KTN1: variants seen among roughly 807,000 people sequenced by gnomAD.
KTN1 encodes the protein kinectin.
KTN1 carries 130 observed loss-of-function variants against 222.5 expected under a neutral mutation model. That is an observed-to-expected ratio of 0.58 (90% CI 0.51 to 0.68). KTN1 has a LOEUF of 0.68. Ranked by LOEUF, KTN1 falls within the 30% of genes least tolerant of loss-of-function variation. The probability of loss-of-function intolerance (pLI) is 0.00; values close to 1 mark genes in which losing one functional copy is unlikely to be tolerated. For missense variants in KTN1, 1,508 were observed against 1,500.4 expected, an observed-to-expected ratio of 1.01 and a Z score of -0.08; for synonymous variants, 512 against 496.3, an observed-to-expected ratio of 1.03 and a Z score of -0.42.
In KTN1 at chr14:55,653,105, CCAA is replaced by C. The variant is rs751417105; in HGVS notation, c.2763+23_2763+25del. 1 of 1,416,020 alleles carries C rather than the reference CCAA, an allele frequency of 7.1e-7. No homozygotes were observed. The highest frequency in any genetic ancestry group is 1.4e-5 in the African/African-American group (1 of 70,246). The allele number at this position is 1,416,020 out of a possible 1,614,324, so 87.7% of individuals were successfully genotyped here. A position where few individuals can be genotyped will look rare whatever the true frequency, so the allele number is the denominator to read the frequency against. Reference sequence around the variant, plus strand: ...AAAGAGGTATAGTATAAACAAATTACCAACATGTTACATAAGGAATGATAAATC... The same window carrying C: ...AAAGAGGTATAGTATAAACAAATTACCATGTTACATAAGGAATGATAAATC... On this transcript the variant is annotated intron_variant, in intron 27 of 43. Coordinates refer to ENST00000395314, the MANE Select transcript of KTN1 (RefSeq NM_001079521.2).
In KTN1 at chr14:55,640,973, G is replaced by A. The variant is rs773525049; in HGVS notation, c.2021+3G>A. The A allele has an allele frequency of 6.2e-6, 10 of 1,608,194 alleles. No homozygotes were observed. Among genetic ancestry groups the A allele is most frequent in the Non-Finnish European group, 8.5e-6 (10 of 1,175,312 alleles). On this transcript the variant is annotated splice_donor_region_variant and intron_variant, in intron 16 of 43. Transcript: ENST00000395314. The stretch of plus-strand genomic sequence containing the variant: ...GAATTGGAGAAGATGCAACAAAGGT[G>A]ACTAAAGTATTGTACATCTAGTCGT...
At chr14:55,670,851 A>G in intron 35 of KTN1, 42 bp downstream of exon 35, 3 of 1,308,296 alleles carry the variant, frequency 2.3e-6, no homozygotes, top group Non-Finnish European at 3.3e-6. Flanking sequence ...AAACATAGAA[A>G]AAAGAAGCAA....
intron 34 of KTN1, among the ~76,000 whole-genome samples, chr14:55,670,333 T>G (rs1251070962): frequency 6.6e-6 from 1 of 152,062 alleles, no homozygotes. Context: ...TTTTGAGAAC[T>G]GATTTACCTG....
chr14:55,619,497 T>A (rs1050773116), intron 5 of KTN1, among the ~76,000 whole-genome samples, 185 bp downstream of exon 5: 1 of 152,182 alleles, frequency 6.6e-6, no homozygotes, highest in African/African-American at 2.4e-5. Flanking sequence ...GATAAAGAGA[T>A]ACCCGAGACT....
At chr14:55,593,842 C>T (rs1170413383) in intron 1 of KTN1, among the ~76,000 whole-genome samples, 2 of 150,874 alleles carry the variant, frequency 1.3e-5, no homozygotes, top group African/African-American at 2.4e-5. Flanking sequence ...CTTTTTTTAC[C>T]TTTTTATTTT....
intron 1 of KTN1, among the ~76,000 whole-genome samples, chr14:55,603,188 T>G (rs2036232415): frequency 6.6e-6 from 1 of 152,118 alleles, no homozygotes; most frequent in African/African-American, 2.4e-5. Flanking sequence ...GTCAGCATAT[T>G]ATCATGCTGT....
At chr14:55,663,533 G>A (rs941089623) in intron 32 of KTN1, 1 of 165,572 alleles carries the variant, frequency 6.0e-6, no homozygotes, top group Non-Finnish European at 1.3e-5. Flanking sequence ...TTACACTGCA[G>A]TGGAAAGTCC....
rs369431118 is a variant in KTN1, at chr14:55,673,284, A to G, written c.3771+29A>G. On this transcript the variant is annotated intron_variant, in intron 40 of 43. Coordinates refer to ENST00000395314, the MANE Select transcript of KTN1 (RefSeq NM_001079521.2). ...AGAAGCTTGTCCTCCACTGGGTATC[A>G]AGTAGGCACTGAAAACACTTTATTG... The G allele has an allele frequency of 5.6e-6, 8 of 1,429,414 alleles. No individual in the cohort carries two copies. The African/African-American group carries it at 9.9e-5, about 18-fold the overall frequency. The allele number at this position is 1,429,414 out of a possible 1,614,324, so 88.5% of individuals were successfully genotyped here. A position where few individuals can be genotyped will look rare whatever the true frequency, so the allele number is the denominator to read the frequency against.
intron 40 of KTN1, chr14:55,673,567 A>C (rs1004215689): frequency 1.6e-5 from 3 of 190,434 alleles, no homozygotes; most frequent in African/African-American, 2.3e-5. Flanking sequence ...AATGAAATAA[A>C]GATTGGCTGA....
chr14:55,660,389 GTTT>G (rs34898734), intron 31 of KTN1, among the ~76,000 whole-genome samples: 30,503 of 121,436 alleles, frequency 0.25, 3,423 homozygotes, highest in East Asian at 0.34. Context: ...TTCTTAAGGA[GTTT>G]TTTTTTTTTT....
intron 40 of KTN1, chr14:55,675,165 T>A (rs2045785849): frequency 6.6e-6 from 1 of 152,166 alleles, no homozygotes; most frequent in South Asian, 2.1e-4. Context: ...AAGAAGAAAG[T>A]TTTTTGGGAG....
chr14:55,615,149 A>G (rs1206571468), intron 2 of KTN1, among the ~76,000 whole-genome samples: 1 of 152,190 alleles, frequency 6.6e-6, no homozygotes, highest in Non-Finnish European at 1.5e-5. Context: ...TATCATGGGA[A>G]CTGATAGGAG....
At chr14:55,673,326 TC>T in intron 40 of KTN1, 71 bp downstream of exon 40, 1 of 962,386 alleles carries the variant, frequency 1.0e-6, no homozygotes, top group Non-Finnish European at 1.6e-6. Context: ...GGAGAAACCA[TC>T]CAGGCTTTTT....
chr14:55,611,891 A>T, intron 1 of KTN1, 128 bp from the exon 2 acceptor site: 2 of 409,304 alleles, frequency 4.9e-6, no homozygotes, highest in Non-Finnish European at 4.3e-6. Flanking sequence ...TAAAGAACTA[A>T]CCTGTTTAGA....
rs914394145 is a variant in KTN1, at chr14:55,678,505, C to G, written c.3948+61C>G. On this transcript the variant is annotated intron_variant, in intron 42 of 43. Transcript: ENST00000395314. ...GTTACCTTGTGACCTGTGTAAAGAA[C>G]AAAAATGTATAAGGTCCATCTCCGA... 5.0e-6 allele frequency: 5 copies of G among 995,666 alleles called. No homozygotes were observed. In the Admixed American group the frequency reaches 8.8e-5, roughly 17 times the overall value. 61.7% of individuals were successfully genotyped at this position (995,666 alleles called of 1,614,324 possible).
chr14:55,582,204 G>A (rs962286654), intron 1 of KTN1, among the ~76,000 whole-genome samples: 1 of 152,152 alleles, frequency 6.6e-6, no homozygotes, highest in African/African-American at 2.4e-5. Context: ...ATTATGAAGA[G>A]ACATTTACGA....
intron 1 of KTN1, among the ~76,000 whole-genome samples, chr14:55,595,883 G>A (rs936534288): frequency 1.3e-5 from 2 of 151,950 alleles, no homozygotes; most frequent in Admixed American, 6.6e-5. Context: ...GGCTGGGCGC[G>A]GTGGCTCACG....
intron 18 of KTN1, chr14:55,644,293 T>A (rs1466041545): frequency 4.7e-6 from 3 of 637,896 alleles, no homozygotes; most frequent in Middle Eastern, 2.4e-4. Flanking sequence ...GTTGAGAGAT[T>A]GAACAGTTTA....
chr14:55,661,303 G>A, intron 31 of KTN1: 1 of 415,164 alleles, frequency 2.4e-6, no homozygotes, highest in Non-Finnish European at 4.3e-6. Context: ...ACAAGCCTGA[G>A]CATACCATAT....
Sources: allele counts gnomAD v4.1 joint callset (sites outside exome capture counted in the v4.1 genomes callset), GRCh38; gene constraint gnomAD v4.1.1; transcripts MANE v1.5; gene names NCBI Gene and HGNC (gene_info 2026-07-23, HGNC 2026-07-21).